SHOC1: variants seen among roughly 807,000 people sequenced by gnomAD.
SHOC1 encodes shortage in chiasmata 1, also known as protein shortage in chiasmata 1 ortholog.
Under a neutral mutation model 179.2 loss-of-function variants are expected in SHOC1, and 136 were observed. That is an observed-to-expected ratio of 0.76 (90% CI 0.66 to 0.87). The LOEUF (loss-of-function observed/expected upper bound fraction) is 0.87, where lower values mean the gene tolerates loss of function less well. Among genes scored for constraint, SHOC1 ranks in the 40% least tolerant of loss-of-function variants. The pLI is 0.00. For synonymous variants in SHOC1, 489 were observed against 586.6 expected, an observed-to-expected ratio of 0.83 and a Z score of 2.41; for missense variants, 1,538 against 1,700.8, an observed-to-expected ratio of 0.90 and a Z score of 1.68.
At position 111,702,254 on chromosome 9, in the gene SHOC1, A is replaced by C. The variant is rs73541269; in HGVS notation, c.2968-28T>G. On this transcript the variant is annotated intron_variant, in intron 22 of 27. Transcript: ENST00000682961. ...ATCAGAAAATAAAGAAAATGTAAAA[A>C]TTCATTAGGTTGAACAGTTATTATG... is the stretch of plus-strand genomic sequence containing the variant. 1.3e-3 allele frequency: 1,675 copies of C among 1,291,574 alleles called. 19 individuals are homozygous for C. The African/African-American group carries it at 0.023, about 18-fold the overall frequency. The allele number at this position is 1,291,574 out of a possible 1,614,324, so 80.0% of individuals were successfully genotyped here. A position where few individuals can be genotyped will look rare whatever the true frequency, so the allele number is the denominator to read the frequency against.
intron 24 of SHOC1, among the ~76,000 whole-genome samples, chr9:111,697,712 T>A (rs2131329289): frequency 6.6e-6 from 1 of 152,336 alleles, no homozygotes; most frequent in Non-Finnish European, 1.5e-5. Flanking sequence ...TACCCAGTAA[T>A]GGTATGGCTG....
chr9:111,740,648 T>C (rs1833988739), intron 11 of SHOC1, among the ~76,000 whole-genome samples: 1 of 152,192 alleles, frequency 6.6e-6, no homozygotes, highest in Non-Finnish European at 1.5e-5. Flanking sequence ...TCTCAGCTCT[T>C]GCAACTTCCA....
chr9:111,693,843 G>T lies in SHOC1; in HGVS notation c.3421C>A (p.Gln1141Lys). 6.2e-7 allele frequency: 1 copy of T among 1,611,210 alleles called. No individual in the cohort carries two copies. Among genetic ancestry groups the T allele is most frequent in the South Asian group, 1.1e-5 (1 of 90,680 alleles). The change falls in exon 26 of 28, where the codon CAA (glutamine) becomes AAA (lysine). Residue 1141 changes from glutamine (Q) to lysine (K), a missense_variant. By Grantham distance (53) the Gln-to-Lys change is moderately conservative (BLOSUM62 1). Transcript: ENST00000682961. ...LHWILLATLCQLQELLPEVPE... is the reference protein window; with the variant it reads ...LHWILLATLCKLQELLPEVPE... ...ACTTCAGGTAGGAGTTCCTGAAGTT[G>T]ACACAGAGTTGCTAATAATATCCAA...
chr9:111,711,198 G>GT (rs1210298508), intron 18 of SHOC1, among the ~76,000 whole-genome samples: 1 of 152,178 alleles, frequency 6.6e-6, no homozygotes, highest in African/African-American at 2.4e-5. Context: ...TAAGTGGTAA[G>GT]TCTGTAAATG....
chr9:111,741,704 G>C (rs1834049473), intron 10 of SHOC1, 134 bp from the exon 11 acceptor site: 2 of 398,958 alleles, frequency 5.0e-6, no homozygotes, highest in Non-Finnish European at 8.8e-6. Context: ...CACTATCTTG[G>C]CTCACTGCAA....
In SHOC1 at chr9:111,791,391, T is replaced by C. The variant is rs1306835901; in HGVS notation, c.28A>G (p.Ile10Val). The C allele has an allele frequency of 6.8e-7, 1 of 1,479,468 alleles. No homozygotes were observed. Among genetic ancestry groups the C allele is most frequent in the South Asian group, 1.4e-5 (1 of 68,982 alleles). The allele number at this position is 1,479,468 out of a possible 1,614,324, so 91.6% of individuals were successfully genotyped here. A position where few individuals can be genotyped will look rare whatever the true frequency, so the allele number is the denominator to read the frequency against. MFSALKYHA[I>V]DYLYENVVRK... ...CACTCTACCTCATATAAATAGTCTA[T>C]TGCATGATATTTCAATGCTGAAAAC... Residue 10 changes from isoleucine (I) to valine (V), a missense_variant, in exon 2 of 28, where the codon ATA becomes GTA. Ile to Val is a conservative substitution (Grantham distance 29). Transcript: ENST00000682961.
chr9:111,782,245 G>A (rs954916435), intron 3 of SHOC1, among the ~76,000 whole-genome samples: 1 of 152,018 alleles, frequency 6.6e-6, no homozygotes, highest in Non-Finnish European at 1.5e-5. Context: ...TAGTGGTTAA[G>A]AGTACAGGTT....
Position 111,714,481 on chromosome 9 carries a change from C to T in SHOC1, c.2379G>A (p.Gln793=). Residue 793 remains glutamine, a synonymous_variant, in exon 17 of 28, where the codon CAG becomes CAA. Transcript: ENST00000682961. The part of the protein sequence containing the change: ...TNYKIQELQC[Q]ILSWMQSQQQ... ...GTTGACTTTGCATCCAACTTAGTATCTGACATTGCAATTCTTGTATCTTGT... is the reference window on the plus strand; with the variant it reads ...GTTGACTTTGCATCCAACTTAGTATTTGACATTGCAATTCTTGTATCTTGT... 1 of 1,613,966 alleles carries T rather than the reference C, an allele frequency of 6.2e-7. No homozygotes were observed.
At chr9:111,750,291 A>G (rs9696809) in intron 8 of SHOC1, among the ~76,000 whole-genome samples, 122,308 of 152,056 alleles carry the variant, frequency 0.8, 49,366 homozygotes, top group East Asian at 0.92. Context: ...CAGGGATGTT[A>G]AGGTTTTTTT....
intron 3 of SHOC1, among the ~76,000 whole-genome samples, chr9:111,785,303 T>C (rs932453766): frequency 1.3e-5 from 2 of 152,212 alleles, no homozygotes; most frequent in Non-Finnish European, 2.9e-5. Flanking sequence ...CTCTTCTCTA[T>C]ACATTTATCA....
At chr9:111,694,474 A>T (rs1186381962) in intron 24 of SHOC1, 112 bp from the exon 25 acceptor site, 19 of 712,002 alleles carry the variant, frequency 2.7e-5, no homozygotes, top group Non-Finnish European at 4.0e-5. Flanking sequence ...GATTCTATCT[A>T]ATTTTAGATA....
intron 2 of SHOC1, among the ~76,000 whole-genome samples, chr9:111,786,251 G>A (rs1383171926): frequency 1.3e-5 from 2 of 152,094 alleles, no homozygotes; most frequent in Non-Finnish European, 2.9e-5. Flanking sequence ...TGGCTAACAC[G>A]GTGAAACCCC....
At chr9:111,786,506 T>TC (rs1410014738) in intron 2 of SHOC1, among the ~76,000 whole-genome samples, 3 of 94,602 alleles carry the variant, frequency 3.2e-5, no homozygotes, top group Admixed American at 9.3e-5. Flanking sequence ...TCTGCAGATT[T>TC]TTTTTTTTTT....
intron 26 of SHOC1, among the ~76,000 whole-genome samples, chr9:111,693,041 C>T (rs762098982): frequency 1.3e-5 from 2 of 152,152 alleles, no homozygotes; most frequent in Admixed American, 1.3e-4. Context: ...GTTTATGGCT[C>T]ATGCCTGTAA....
intron 13 of SHOC1, among the ~76,000 whole-genome samples, chr9:111,724,314 C>T (rs1833200764): frequency 6.6e-6 from 1 of 151,916 alleles, no homozygotes; most frequent in Non-Finnish European, 1.5e-5. Flanking sequence ...TTCCCTATTT[C>T]CATCTTTTTT....
intron 11 of SHOC1, among the ~76,000 whole-genome samples, chr9:111,739,842 A>G (rs190159718): frequency 1.3e-5 from 2 of 152,232 alleles, no homozygotes; most frequent in African/African-American, 4.8e-5. Context: ...GTCTATTAGC[A>G]TGTGTTTCTT....
At chr9:111,794,392 G>A (rs190148271) in intron 1 of SHOC1, among the ~76,000 whole-genome samples, 3 of 151,596 alleles carry the variant, frequency 2.0e-5, no homozygotes, top group East Asian at 3.9e-4. Flanking sequence ...GAGACCAGCC[G>A]GGTCAACATG....
chr9:111,771,192 A>G (rs939292165), intron 5 of SHOC1, among the ~76,000 whole-genome samples: 2 of 152,076 alleles, frequency 1.3e-5, no homozygotes, highest in Admixed American at 6.5e-5. Flanking sequence ...GGCTGTGGTT[A>G]CCAGGAGGGT....
At position 111,727,672 on chromosome 9, in the gene SHOC1, T is replaced by G. The variant is rs776251863; in HGVS notation, c.1795A>C (p.Thr599Pro). The change falls in exon 13 of 28, where the codon ACC (threonine) becomes CCC (proline). Residue 599 changes from threonine (T) to proline (P), a missense_variant. Thr to Pro is a conservative substitution (Grantham distance 38). Coordinates refer to ENST00000682961, the MANE Select transcript of SHOC1 (RefSeq NM_001378211.1). ...IMLRNKYKTC[T>P]SKTEVTNSDE... ...CTGTTTGTGACTTCAGTCTTTGAGG[T>G]GCAAGTCTTATATTTATTTCGCAGC... The G allele has an allele frequency of 4.4e-6, 7 of 1,599,290 alleles. No homozygotes were observed. The highest frequency in any genetic ancestry group is 5.1e-6 in the Non-Finnish European group (6 of 1,175,546).
Sources: gnomAD v4.1 joint callset for allele counts (sites outside exome capture counted in the v4.1 genomes callset) on GRCh38, gnomAD v4.1.1 for gene constraint, MANE v1.5 for transcripts, NCBI Gene and HGNC (gene_info 2026-07-23, HGNC 2026-07-21) for gene names.